CASP6: variants seen among roughly 807,000 people sequenced by gnomAD.
CASP6 encodes the protein caspase-6.
Under a neutral mutation model 31.8 loss-of-function variants are expected in CASP6, and 20 were observed. The ratio of observed to expected loss-of-function variants is 0.63; its 90% CI spans 0.44 to 0.91. The LOEUF is 0.91. CASP6 is among the 40% of genes least tolerant of loss of function. The pLI, the probability that CASP6 is intolerant of heterozygous loss-of-function variation, is 0.00. For missense variants in CASP6, 328 were observed against 361.1 expected (o/e 0.91, Z 0.74); for synonymous variants, 130 against 127.8 (o/e 1.02, Z -0.12).
chr4:109,686,761 A>G (rs1266577930), downstream of CASP6, among the ~76,000 whole-genome samples: 1 of 152,184 alleles, frequency 6.6e-6, no homozygotes, highest in East Asian at 1.9e-4. Flanking sequence ...TTGTAGCCCT[A>G]GCTACTTGGG....
At chr4:109,682,793 T>C in the CASP6 span, 3 of 1,403,420 alleles carry the variant, frequency 2.1e-6, no homozygotes, top group South Asian at 2.6e-5. Flanking sequence ...CTAGTGTTTA[T>C]TGAGTGCTCC....
chr4:109,673,713 G>T, the CASP6 span: 1 of 483,434 alleles, frequency 2.1e-6, no homozygotes, highest in Non-Finnish European at 3.6e-6. Flanking sequence ...GAAAATTTGG[G>T]GTATGAAAAT....
intron 5 of CASP6, among the ~76,000 whole-genome samples, chr4:109,693,684 CAA>C (rs1203586044): frequency 2.5e-4 from 18 of 70,990 alleles, no homozygotes; most frequent in South Asian, 5.4e-4. Context: ...GACTCCATCT[CAA>C]AAAAAAAAAA....
Position 109,696,492 on chromosome 4 carries a change from G to C in CASP6, c.231-6C>G. 6.3e-7 allele frequency: 1 copy of C among 1,595,782 alleles called. No homozygotes were observed. Reference sequence around the variant, plus strand: ...CAAATCCTAGATCTGAAAACCTAGTGGTATATTAAATGAAATGTTAGCCTA... The same window carrying C: ...CAAATCCTAGATCTGAAAACCTAGTCGTATATTAAATGAAATGTTAGCCTA... On this transcript the variant is annotated splice_polypyrimidine_tract_variant and splice_region_variant and intron_variant, in intron 3 of 6. Transcript: ENST00000265164.
In CASP6 at chr4:109,697,642, A is replaced by G. The variant is rs755253676; in HGVS notation, c.210T>C (p.Asp70=). The G allele has an allele frequency of 6.2e-7, 1 of 1,611,512 alleles. No individual in the cohort carries two copies. The highest frequency in any genetic ancestry group is 8.5e-7 in the Non-Finnish European group (1 of 1,179,150). ...TLPERRGTCA[D]RDNLTRRFSD... ...ACTACCTGCGGGTAAGATTGTCTCT[A>G]TCTGCGCAGGTGCCCCGCCTTTCTG... Residue 70 remains aspartate (D), a synonymous_variant, in exon 3 of 7, where the codon GAT becomes GAC. Transcript: ENST00000265164.
chr4:109,703,170 C>A (rs1730480754), intron 1 of CASP6, among the ~76,000 whole-genome samples, 186 bp downstream of exon 1: 1 of 152,130 alleles, frequency 6.6e-6, no homozygotes, highest in Non-Finnish European at 1.5e-5. Context: ...GACTGAAGCG[C>A]GAAACCGTCC....
chr4:109,674,473 A>G, the CASP6 span, among the ~76,000 whole-genome samples: 1 of 152,214 alleles, frequency 6.6e-6, no homozygotes, highest in African/African-American at 2.4e-5. Flanking sequence ...AGAATCTCAC[A>G]TATTTTGGAT....
chr4:109,703,538 G>T, upstream of CASP6: 4 of 1,057,674 alleles, frequency 3.8e-6, no homozygotes, highest in African/African-American at 1.6e-5. Context: ...ATTGCGCGCC[G>T]CCCGGGCTCC....
At chr4:109,704,939 G>C (rs113059537), upstream of CASP6, among the ~76,000 whole-genome samples, 923 of 152,234 alleles carry the variant, frequency 6.1e-3, 11 homozygotes, top group East Asian at 0.048. Context: ...TCCTGACCTT[G>C]AGCAATCTGC....
Position 109,690,999 on chromosome 4 carries a change from C to A in CASP6, c.494G>T (p.Gly165Val), listed in dbSNP as rs750146259. The A allele has an allele frequency of 3.1e-6, 5 of 1,610,284 alleles. No homozygotes were observed. Among genetic ancestry groups the A allele is most frequent in the Non-Finnish European group, 4.2e-6 (5 of 1,178,432 alleles). Residue 165 changes from glycine to valine, a missense_variant, in exon 6 of 7, where the codon GGA (glycine) becomes GTA (valine). Coordinates refer to ENST00000265164, the MANE Select transcript of CASP6 (RefSeq NM_001226.4). ...AATGACTGGCACATCGTGCTGGTTT[C>A]CCCGACATGCCTACAAGACAAGGAG... The part of the protein sequence containing the change: ...PKIFIIQACR[G>V]NQHDVPVIPL...
intron 1 of CASP6, among the ~76,000 whole-genome samples, chr4:109,701,385 A>C (rs1730416782): frequency 6.6e-6 from 1 of 152,076 alleles, no homozygotes; most frequent in Admixed American, 6.5e-5. Context: ...TCTGCAATCT[A>C]CTTATCAAAA....
chr4:109,664,394 G>T, the CASP6 span: 2 of 1,221,868 alleles, frequency 1.6e-6, no homozygotes, highest in Non-Finnish European at 1.2e-6. Context: ...TCCAAAGAGA[G>T]GTAAGAAACA....
chr4:109,687,539 C>G, downstream of CASP6: 1 of 1,612,560 alleles, frequency 6.2e-7, no homozygotes, highest in Non-Finnish European at 8.5e-7. Flanking sequence ...GAAACAGGCG[C>G]GTCATTCTCT....
intron 5 of CASP6, among the ~76,000 whole-genome samples, chr4:109,692,860 C>T (rs1730100764): frequency 6.6e-6 from 1 of 152,178 alleles, no homozygotes; most frequent in Non-Finnish European, 1.5e-5. Context: ...TTCCTCACCC[C>T]AAAACAAGGC....
chr4:109,690,557 TACC>T (rs928577285), intron 6 of CASP6, among the ~76,000 whole-genome samples: 4 of 152,044 alleles, frequency 2.6e-5, no homozygotes, highest in Non-Finnish European at 5.9e-5. Flanking sequence ...CCATGACAAT[TACC>T]ACAATGGCAC....
At chr4:109,687,605 A>C (rs1227956417), downstream of CASP6, 3 of 1,558,270 alleles carry the variant, frequency 1.9e-6, no homozygotes, top group East Asian at 6.8e-5. Context: ...TTACAGTTTT[A>C]AATGTCGTCA....
chr4:109,690,828 GTT>G lies in CASP6; in HGVS notation c.643+20_643+21del. The G allele has an allele frequency of 6.3e-7, 1 of 1,577,950 alleles. No individual in the cohort carries two copies. The highest frequency in any genetic ancestry group is 8.6e-7 in the Non-Finnish European group (1 of 1,161,500). ...CCTTAGCCAAGAGAGGCAATTATAT[GTT>G]TGTTTTAAACACCACACACCTTCTG... On this transcript the variant is annotated intron_variant, in intron 6 of 6. Coordinates refer to ENST00000265164, the MANE Select transcript of CASP6 (RefSeq NM_001226.4).
chr4:109,679,241 G>T, the CASP6 span, among the ~76,000 whole-genome samples: 3 of 152,334 alleles, frequency 2.0e-5, no homozygotes, highest in Admixed American at 2.0e-4. Flanking sequence ...CTTCCTAGAC[G>T]GGGTGGCGGC....
At chr4:109,706,410 G>A (rs1730620794), upstream of CASP6, among the ~76,000 whole-genome samples, 1 of 151,820 alleles carries the variant, frequency 6.6e-6, no homozygotes, top group South Asian at 2.1e-4. Flanking sequence ...TGATAGATGA[G>A]GAGATGCTTT....
Sources: allele counts gnomAD v4.1 joint callset (sites outside exome capture counted in the v4.1 genomes callset), GRCh38; gene constraint gnomAD v4.1.1; transcripts MANE v1.5; gene names NCBI Gene and HGNC (gene_info 2026-07-23, HGNC 2026-07-21).